SLC8A2: variants seen among roughly 807,000 people sequenced by gnomAD.
SLC8A2 encodes the protein sodium/calcium exchanger 2.
SLC8A2 carries 14 observed loss-of-function variants against 70.2 expected under a neutral mutation model. The ratio of observed to expected loss-of-function variants is 0.20; its 90% CI spans 0.13 to 0.31. SLC8A2 has a LOEUF of 0.31. Ranked by LOEUF, SLC8A2 falls within the 10% of genes least tolerant of loss-of-function variation. SLC8A2 has a pLI of 1.00. For synonymous variants in SLC8A2, 575 were observed against 594.3 expected, an observed-to-expected ratio of 0.97 and a Z score of 0.47; for missense variants, 779 against 1,320.1, an observed-to-expected ratio of 0.59 and a Z score of 6.35.
At chr19:47,456,808 A>G in intron 3 of SLC8A2, 122 bp downstream of exon 3, 2 of 1,024,626 alleles carry the variant, frequency 2.0e-6, no homozygotes, top group South Asian at 1.8e-5. Context: ...TGAATGAATG[A>G]ACAAATGAAC....
intron 2 of SLC8A2, among the ~76,000 whole-genome samples, chr19:47,463,218 C>T (rs539599687): frequency 3.9e-5 from 6 of 151,918 alleles, no homozygotes; most frequent in Admixed American, 2.6e-4. Context: ...CTGCAAGCTC[C>T]GCCTCCCGGG....
intron 1 of SLC8A2, among the ~76,000 whole-genome samples, chr19:47,467,906 T>G (rs1200767650): frequency 6.7e-6 from 1 of 149,408 alleles, no homozygotes; most frequent in Admixed American, 6.7e-5. Context: ...CTTGGGAGGC[T>G]GAAGCATGAG....
At chr19:47,464,059 T>C (rs537808032) in intron 2 of SLC8A2, among the ~76,000 whole-genome samples, 61 of 152,318 alleles carry the variant, frequency 4.0e-4, no homozygotes, top group African/African-American at 1.3e-3. Flanking sequence ...AAGAATTTCA[T>C]ATCAGCAGAA....
At chr19:47,441,686 T>C (rs966622022) in intron 4 of SLC8A2, among the ~76,000 whole-genome samples, 1 of 152,220 alleles carries the variant, frequency 6.6e-6, no homozygotes, top group Non-Finnish European at 1.5e-5. Flanking sequence ...CTGGGTGCGG[T>C]GGCTCATGCC....
In SLC8A2 at chr19:47,466,052, C is replaced by T. The variant is rs1180959523; in HGVS notation, c.352G>A (p.Val118Met). 4.3e-6 allele frequency: 7 copies of T among 1,614,176 alleles called. No homozygotes were observed. The highest frequency in any genetic ancestry group is 1.3e-5 in the African/African-American group (1 of 75,044). ...TITKANGETSVGTVRIWNETV... is the reference protein window; with the variant it reads ...TITKANGETSMGTVRIWNETV... ...TCATTCCAGATGCGAACGGTGCCCA[C>T]GCTGGTCTCACCGTTGGCCTTGGTG... Residue 118 changes from valine to methionine, a missense_variant, in exon 2 of 10, where the codon GTG (valine) becomes ATG (methionine). This residue lies in a region of SLC8A2 where 155 missense variants were observed against 318.6 expected (regional missense o/e 0.49). Transcript: ENST00000236877. The surrounding 1 kb of genome is among the most constrained non-coding windows in gnomAD (Gnocchi z 6.9).
chr19:47,460,448 AGCACTTTGGGAGGCCAAAGTGGGTG>A (rs1400897183), intron 2 of SLC8A2, among the ~76,000 whole-genome samples: 1 of 152,220 alleles, frequency 6.6e-6, no homozygotes, highest in African/African-American at 2.4e-5. Flanking sequence ...CTGTAATCCC[AGCACTTTGGGAGGCCAAAGTGGGTG>A]GATCACCTGA....
intron 1 of SLC8A2, among the ~76,000 whole-genome samples, chr19:47,470,382 CA>C: frequency 6.6e-6 from 1 of 152,010 alleles, no homozygotes; most frequent in East Asian, 1.9e-4. Context: ...CACACACACA[CA>C]CACACCAGGG....
intron 6 of SLC8A2, 62 bp downstream of exon 6, chr19:47,441,107 C>A: frequency 3.3e-6 from 5 of 1,527,722 alleles, no homozygotes; most frequent in Non-Finnish European, 4.5e-6. Flanking sequence ...GGCTGGGACC[C>A]TCCCCCAGGC....
chr19:47,441,936 T>G (rs1167013920), intron 4 of SLC8A2, among the ~76,000 whole-genome samples: 1 of 152,148 alleles, frequency 6.6e-6, no homozygotes, highest in Non-Finnish European at 1.5e-5. Context: ...ACTCTGTCTC[T>G]ACTAAAAATA....
intron 3 of SLC8A2, among the ~76,000 whole-genome samples, chr19:47,454,051 T>C (rs1015991087): frequency 5.3e-5 from 8 of 152,144 alleles, no homozygotes; most frequent in Admixed American, 3.9e-4. Context: ...GAGGCTGAGA[T>C]GGGAGGATCA....
chr19:47,447,522 A>T lies in SLC8A2; in HGVS notation c.1763+287T>A, dbSNP rs968766200. 2.2e-6 allele frequency: 1 copy of T among 459,224 alleles called. No individual in the cohort carries two copies. The highest frequency in any genetic ancestry group is 2.1e-5 in the African/African-American group (1 of 46,756). 28.4% of individuals were successfully genotyped at this position (459,224 alleles called of 1,614,324 possible). On this transcript the variant is annotated intron_variant, in intron 4 of 9. Coordinates refer to ENST00000236877, the MANE Select transcript of SLC8A2 (RefSeq NM_015063.3). This position sits in a 1 kb window ranked among gnomAD's most constrained non-coding sequence, Gnocchi z 5.1. ...CCCACGTGGTAGACACAGCACACCT[A>T]GGCCCCGCCCCTCCCGAGGCCAAGC...
At chr19:47,445,197 C>T (rs1967145849) in intron 4 of SLC8A2, among the ~76,000 whole-genome samples, 1 of 152,192 alleles carries the variant, frequency 6.6e-6, no homozygotes, top group Admixed American at 6.5e-5. Context: ...CAACCTTCGC[C>T]TGCTGGGTTC....
At chr19:47,458,377 C>T (rs1164058172) in intron 2 of SLC8A2, among the ~76,000 whole-genome samples, 1 of 150,288 alleles carries the variant, frequency 6.7e-6, no homozygotes, top group Non-Finnish European at 1.5e-5. Flanking sequence ...CGTCTCTCCC[C>T]ACCTCTTTCT....
In SLC8A2 at chr19:47,437,774, C is replaced by CT. The variant is rs1227290030; in HGVS notation, c.2010+74dup. On this transcript the variant is annotated intron_variant, in intron 7 of 9. Coordinates refer to ENST00000236877, the MANE Select transcript of SLC8A2 (RefSeq NM_015063.3). The stretch of plus-strand genomic sequence containing the variant: ...TGGCTTGATCTTAGGAACCTTGTGG[C>CT]TCCCCGCTTTCCGGACCCTCCCCAA... 3 of 1,569,118 alleles carry CT rather than the reference C, an allele frequency of 1.9e-6. No individual in the cohort carries two copies. In the South Asian group the frequency reaches 3.3e-5, roughly 17 times the overall value.
In SLC8A2 at chr19:47,432,011, G is replaced by A. The variant is rs938056527; in HGVS notation, c.2389+156C>T. The A allele has an allele frequency of 6.2e-5, 39 of 627,212 alleles. No homozygotes were observed. The highest frequency in any genetic ancestry group is 9.3e-5 in the Non-Finnish European group (36 of 386,806). 38.9% of individuals were successfully genotyped at this position (627,212 alleles called of 1,614,324 possible). The stretch of plus-strand genomic sequence containing the variant: ...TTCACATCTTGCACCTAGGGGACCC[G>A]CTGCCTGGCTTCTATTATGCCCCAC... On this transcript the variant is annotated intron_variant, in intron 9 of 9. Coordinates refer to ENST00000236877, the MANE Select transcript of SLC8A2 (RefSeq NM_015063.3). This position sits in a 1 kb window ranked among gnomAD's most constrained non-coding sequence, Gnocchi z 6.2.
In SLC8A2 at chr19:47,471,892, C is replaced by T. The variant is rs1395297030; in HGVS notation, c.-120G>A. ...GATTGAGAGAGAGAAAAGCCTGAGA[C>T]TGAGAGGGAGAGCCGGGGAGGAGGG... On this transcript the variant is annotated 5_prime_UTR_variant, in exon 1 of 10. Transcript: ENST00000236877. 1 of 144,000 alleles carries T rather than the reference C, an allele frequency of 6.9e-6. No homozygotes were observed. Among genetic ancestry groups the T allele is most frequent in the Non-Finnish European group, 1.5e-5 (1 of 66,692 alleles). 8.9% of individuals were successfully genotyped at this position (144,000 alleles called of 1,614,324 possible).
chr19:47,465,064 C>T lies in SLC8A2; in HGVS notation c.675+665G>A, dbSNP rs573886472. On this transcript the variant is annotated intron_variant, in intron 2 of 9. Transcript: ENST00000236877. The surrounding 1 kb of genome is among the most constrained non-coding windows in gnomAD (Gnocchi z 5.5). Reference sequence around the variant, plus strand: ...TTACACTGAAGTGGCATAAATTATCCCAACATCAGAAATTGATGATGAATA... The same window carrying T: ...TTACACTGAAGTGGCATAAATTATCTCAACATCAGAAATTGATGATGAATA... Among the ~76,000 whole-genome samples the T allele has an allele frequency of 6.6e-6, 1 of 152,052 alleles. No individual in the cohort carries two copies. The highest frequency in any genetic ancestry group is 1.5e-5 in the Non-Finnish European group (1 of 68,002).
intron 3 of SLC8A2, among the ~76,000 whole-genome samples, chr19:47,449,675 G>A (rs1351116868): frequency 6.6e-6 from 1 of 152,176 alleles, no homozygotes; most frequent in Non-Finnish European, 1.5e-5. Flanking sequence ...CTCTGACCTG[G>A]GACTGGACAG....
intron 8 of SLC8A2, among the ~76,000 whole-genome samples, chr19:47,435,246 G>T (rs1967012131): frequency 6.6e-6 from 1 of 151,896 alleles, no homozygotes; most frequent in African/African-American, 2.4e-5. Context: ...GGTCACCGTT[G>T]TCATAATCAG....
Sources: gnomAD v4.1 joint callset for allele counts (sites outside exome capture counted in the v4.1 genomes callset) on GRCh38, gnomAD v4.1.1 for gene constraint, gnomAD v4.1.1 regional missense constraint, Gnocchi (gnomAD v3.1) non-coding constraint, MANE v1.5 for transcripts, NCBI Gene and HGNC (gene_info 2026-07-23, HGNC 2026-07-21) for gene names.